GABRR2: variants seen among roughly 807,000 people sequenced by gnomAD.
GABRR2 encodes gamma-aminobutyric acid type A receptor subunit rho2.
In GABRR2, 36 loss-of-function variants were observed where a neutral mutation model predicts 47.0. That is an observed-to-expected ratio of 0.77 (90% CI 0.59 to 1.01). The LOEUF (loss-of-function observed/expected upper bound fraction) is 1.01, where lower values mean the gene tolerates loss of function less well. GABRR2 is among the 50% of genes least tolerant of loss of function. The pLI is 0.00. For synonymous variants in GABRR2, 204 were observed against 227.5 expected (o/e 0.90, Z 0.93); for missense variants, 587 against 594.6 (o/e 0.99, Z 0.13).
At chr6:89,280,134 G>A (rs1055533303) in intron 2 of GABRR2, among the ~76,000 whole-genome samples, 2 of 150,902 alleles carry the variant, frequency 1.3e-5, no homozygotes, top group Non-Finnish European at 2.9e-5. Flanking sequence ...GCTTGAACCC[G>A]GGAAGTGGAG....
intron 6 of GABRR2, among the ~76,000 whole-genome samples, chr6:89,265,994 C>A (rs1254809832): frequency 6.6e-6 from 1 of 152,114 alleles, no homozygotes; most frequent in East Asian, 1.9e-4. Context: ...TTGGTATTAC[C>A]TAACTTTTCT....
intron 3 of GABRR2, among the ~76,000 whole-genome samples, chr6:89,270,999 A>T (rs282119): frequency 0.037 from 5,646 of 152,308 alleles, 356 homozygotes; most frequent in African/African-American, 0.13. Context: ...GCCTCTTTGA[A>T]GAAGTCTCAT....
At chr6:89,308,410 G>A (rs1767610419) in intron 1 of GABRR2, among the ~76,000 whole-genome samples, 1 of 152,140 alleles carries the variant, frequency 6.6e-6, no homozygotes, top group African/African-American at 2.4e-5. Context: ...GCCCCATGCA[G>A]CTCGTTGCTA....
rs150215533 is a variant in GABRR2, at chr6:89,264,585, T to A, written c.913A>T (p.Thr305Ser). 6.1e-4 allele frequency: 984 copies of A among 1,614,148 alleles called. No homozygotes were observed. The highest frequency in any genetic ancestry group is 7.2e-4 in the Non-Finnish European group (845 of 1,180,024). Residue 305 changes from threonine to serine, a missense_variant, in exon 8 of 9, where the codon ACC (threonine) becomes TCC (serine). By Grantham distance (58) the Thr-to-Ser change is moderately conservative (BLOSUM62 1). Transcript: ENST00000402938. ...GCATTCACGCCCGTGATGATGGTGGTCATGGTCAGCACCGTCGTGATACCT... is the reference window on the plus strand; with the variant it reads ...GCATTCACGCCCGTGATGATGGTGGACATGGTCAGCACCGTCGTGATACCT... ...SLGITTVLTM[T>S]TIITGVNASM...
At chr6:89,258,314 T>C (rs1371274847) in intron 8 of GABRR2, among the ~76,000 whole-genome samples, 1 of 152,168 alleles carries the variant, frequency 6.6e-6, no homozygotes, top group African/African-American at 2.4e-5. Flanking sequence ...CAGAGAGCTA[T>C]ACGATTCTGA....
intron 3 of GABRR2, among the ~76,000 whole-genome samples, chr6:89,270,015 G>C (rs1455042546): frequency 6.6e-6 from 1 of 152,204 alleles, no homozygotes; most frequent in Admixed American, 6.5e-5. Flanking sequence ...CGTGGTTGTG[G>C]TGGGCCCAGA....
intron 2 of GABRR2, among the ~76,000 whole-genome samples, chr6:89,273,640 T>C (rs780971906): frequency 6.6e-6 from 1 of 152,168 alleles, no homozygotes; most frequent in Non-Finnish European, 1.5e-5. Flanking sequence ...TTAACCTATC[T>C]TTCTCCCCTG....
Position 89,255,108 on chromosome 6 carries a change from C to T in GABRR2, c.*2562G>A, listed in dbSNP as rs1273505822. Among the ~76,000 whole-genome samples, 3 of 152,162 alleles carry T rather than the reference C, an allele frequency of 2.0e-5. No homozygotes were observed. Among genetic ancestry groups the T allele is most frequent in the African/African-American group, 7.2e-5 (3 of 41,428 alleles). On this transcript the variant is annotated 3_prime_UTR_variant, in exon 9 of 9. Coordinates refer to ENST00000402938, the MANE Select transcript of GABRR2 (RefSeq NM_002043.5). ...TAATGACAATAGAATTATCATTCTT[C>T]GAGCAGCACTGTGGCCTGGGAGAGT...
chr6:89,299,954 C>A, intron 1 of GABRR2, 89 bp from the exon 2 acceptor site: 1 of 827,580 alleles, frequency 1.2e-6, no homozygotes, highest in Non-Finnish European at 2.1e-6. Context: ...CAAGATCTAC[C>A]TGTTAGGTAC....
At chr6:89,307,745 G>A (rs1277896001) in intron 1 of GABRR2, among the ~76,000 whole-genome samples, 1 of 151,144 alleles carries the variant, frequency 6.6e-6, no homozygotes, top group East Asian at 1.9e-4. Context: ...TGGAGATTTG[G>A]TTTTGAGTGT....
At chr6:89,269,302 C>A in intron 3 of GABRR2, 68 bp from the exon 4 acceptor site, 3 of 1,161,002 alleles carry the variant, frequency 2.6e-6, no homozygotes, top group South Asian at 2.5e-5. Context: ...ATCAACCCAC[C>A]ATTCACTACT....
rs552384427 is a variant in GABRR2, at chr6:89,297,290, G to A, written c.220+2469C>T. ...ATAAAGCAAAAACATTTTGTTGTGG[G>A]CCCCAGGCAGTGTGCCTATGCCGCC... On this transcript the variant is annotated intron_variant, in intron 2 of 8. Coordinates refer to ENST00000402938, the MANE Select transcript of GABRR2 (RefSeq NM_002043.5). Among the ~76,000 whole-genome samples, 8 of 152,126 alleles carry A rather than the reference G, an allele frequency of 5.3e-5. No individual in the cohort carries two copies. The East Asian group carries it at 1.2e-3, about 22-fold the overall frequency.
chr6:89,278,754 C>T (rs111653327), intron 2 of GABRR2, among the ~76,000 whole-genome samples: 3 of 152,230 alleles, frequency 2.0e-5, no homozygotes, highest in South Asian at 2.1e-4. Context: ...CAAGAAAACA[C>T]CAGAACCCCC....
intron 3 of GABRR2, 196 bp from the exon 4 acceptor site, chr6:89,269,430 G>T: frequency 1.7e-6 from 1 of 578,600 alleles, no homozygotes; most frequent in East Asian, 2.9e-5. Flanking sequence ...TCATGCGCTT[G>T]GAGCCCAGGA....
In GABRR2 at chr6:89,264,421, C is replaced by T. The variant is rs1201555536; in HGVS notation, c.1077G>A (p.Leu359=). The T allele has an allele frequency of 6.2e-7, 1 of 1,613,480 alleles. No individual in the cohort carries two copies. The highest frequency in any genetic ancestry group is 1.7e-5 in the Admixed American group (1 of 59,866). The change falls in exon 8 of 9, where the codon CTG becomes CTA. Residue 359 remains leucine (L), a synonymous_variant. Coordinates refer to ENST00000402938, the MANE Select transcript of GABRR2 (RefSeq NM_002043.5). Reference sequence around the variant, plus strand: ...GAAGAAGCCCTCTCACCTTCTCCCGCAGCTTCCGTTCCTTGCGCTCCTGCA... The same window carrying T: ...GAAGAAGCCCTCTCACCTTCTCCCGTAGCTTCCGTTCCTTGCGCTCCTGCA... The part of the protein sequence containing the change: ...TTVQERKERK[L]REKFPCMCGM...
At chr6:89,269,272 A>G (rs1459876893) in intron 3 of GABRR2, 38 bp from the exon 4 acceptor site, 3 of 1,536,312 alleles carry the variant, frequency 2.0e-6, no homozygotes, top group East Asian at 2.2e-5. Context: ...AAAATGGCTT[A>G]GAAGGTTTTC....
intron 8 of GABRR2, 119 bp downstream of exon 8, chr6:89,264,293 G>C: frequency 8.3e-7 from 1 of 1,209,976 alleles, no homozygotes; most frequent in South Asian, 1.6e-5. Context: ...GATCCTCCTC[G>C]TTTTGCACAA....
In GABRR2 at chr6:89,302,484, T is replaced by C. The variant is rs919995819; in HGVS notation, c.114-2619A>G. 19 of 662,738 alleles carry C rather than the reference T, an allele frequency of 2.9e-5. No homozygotes were observed. In the African/African-American group the frequency reaches 3.4e-4, roughly 12 times the overall value. 41.1% of individuals were successfully genotyped at this position (662,738 alleles called of 1,614,324 possible). A position where few individuals can be genotyped will look rare whatever the true frequency, so the allele number is the denominator to read the frequency against. ...CATTGGCCACCATGAGCAGGATCAC[T>C]ACCTCCTTGTGCTTCCCGGGCCAGC... On this transcript the variant is annotated intron_variant, in intron 1 of 8. Transcript: ENST00000402938.
At chr6:89,278,533 G>C (rs963625883) in intron 2 of GABRR2, among the ~76,000 whole-genome samples, 18 of 152,236 alleles carry the variant, frequency 1.2e-4, no homozygotes, top group Admixed American at 1.0e-3. Context: ...GTGAGGCTGA[G>C]GGGCTTGAGT....
Sources: allele counts gnomAD v4.1 joint callset (sites outside exome capture counted in the v4.1 genomes callset), GRCh38; gene constraint gnomAD v4.1.1; transcripts MANE v1.5; gene names NCBI Gene and HGNC (gene_info 2026-07-23, HGNC 2026-07-21).